The following SORL1 variants were observed in gnomAD, a reference collection of about 807,000 sequenced individuals.
SORL1 encodes sortilin-related receptor.
Under a neutral mutation model 273.7 loss-of-function variants are expected in SORL1, and 127 were observed. The ratio of observed to expected loss-of-function variants is 0.46; its 90% CI spans 0.40 to 0.54. The LOEUF (loss-of-function observed/expected upper bound fraction) is 0.54, where lower values mean the gene tolerates loss of function less well. SORL1 is among the 20% of genes least tolerant of loss of function. SORL1 has a pLI of 0.00. For missense variants in SORL1, 2,494 were observed against 2,846.1 expected, an observed-to-expected ratio of 0.88 and a Z score of 2.81; for synonymous variants, 1,031 against 1,067.4, an observed-to-expected ratio of 0.97 and a Z score of 0.66.
At chr11:121,580,918 CTTT>C (rs35751378) in intron 25 of SORL1, among the ~76,000 whole-genome samples, 6 of 135,550 alleles carry the variant, frequency 4.4e-5, no homozygotes, top group Admixed American at 7.4e-5. Context: ...TTCTCATACA[CTTT>C]TTTTTTTTTT....
chr11:121,516,988 G>A (rs1325022576), intron 8 of SORL1, among the ~76,000 whole-genome samples: 2 of 152,058 alleles, frequency 1.3e-5, no homozygotes, highest in African/African-American at 4.8e-5. Context: ...GGAGGTAGAG[G>A]ATGCAGTGAG....
chr11:121,582,850 T>G (rs973712179), intron 25 of SORL1, among the ~76,000 whole-genome samples: 2 of 152,150 alleles, frequency 1.3e-5, no homozygotes, highest in African/African-American at 4.8e-5. Flanking sequence ...CACTTGAAAT[T>G]GGATTTTTTT....
chr11:121,524,381 G>A (rs1485354492), intron 11 of SORL1, among the ~76,000 whole-genome samples: 3 of 152,224 alleles, frequency 2.0e-5, no homozygotes, highest in South Asian at 4.1e-4. Flanking sequence ...GGTGATTACC[G>A]GGGCAGCTGT....
chr11:121,619,816 G>A lies in SORL1; in HGVS notation c.5788G>A (p.Asp1930Asn), dbSNP rs865999716. The A allele has an allele frequency of 4.3e-6, 7 of 1,614,066 alleles. No individual in the cohort carries two copies. Among genetic ancestry groups the A allele is most frequent in the Non-Finnish European group, 5.9e-6 (7 of 1,179,916 alleles). Residue 1930 changes from aspartate (D) to asparagine (N), a missense_variant, in exon 43 of 48, where the codon GAC (aspartate) becomes AAC (asparagine). Transcript: ENST00000260197. ...CTACGTTGTAGTGAAGATGATCCCG[G>A]ACAGCAGGCTTCCACCCCGTCACCT... ...SDYVVVKMIP[D>N]SRLPPRHLHV...
In SORL1 at chr11:121,568,603, TGATA is replaced by T. The variant is rs549875804; in HGVS notation, c.3223+1497_3223+1500del. Among the ~76,000 whole-genome samples, 381 of 152,326 alleles carry T rather than the reference TGATA, an allele frequency of 2.5e-3. 1 individual carries two copies. The highest frequency in any genetic ancestry group is 8.5e-3 in the African/African-American group (354 of 41,564). ...AGAAAATCTTCATAACTCATTTGCTTGATAGATAGAATATATATGGATATATATA... is the reference window on the plus strand; with the variant it reads ...AGAAAATCTTCATAACTCATTTGCTTGATAGAATATATATGGATATATATA... On this transcript the variant is annotated intron_variant, in intron 22 of 47. Coordinates refer to ENST00000260197, the MANE Select transcript of SORL1 (RefSeq NM_003105.6).
intron 38 of SORL1, 64 bp downstream of exon 38, chr11:121,608,240 C>T (rs1863508147): frequency 9.8e-6 from 13 of 1,329,976 alleles, no homozygotes; most frequent in Non-Finnish European, 1.4e-5. Context: ...AAATGACTTT[C>T]AGTATGACCG....
At chr11:121,586,693 TGGGGGGGG>T (rs376563096) in intron 27 of SORL1, among the ~76,000 whole-genome samples, 1 of 97,158 alleles carries the variant, frequency 1.0e-5, no homozygotes, top group African/African-American at 3.9e-5. Context: ...GGGGGTAGAG[TGGGGGGGG>T]GGGCGGGGGG....
intron 8 of SORL1, among the ~76,000 whole-genome samples, chr11:121,520,287 T>A (rs1028156429): frequency 1.3e-5 from 2 of 152,164 alleles, no homozygotes; most frequent in Admixed American, 6.5e-5. Flanking sequence ...GTTCTAACAA[T>A]GTGCTATAAT....
intron 7 of SORL1, 52 bp from the exon 8 acceptor site, chr11:121,514,100 C>A: frequency 6.3e-7 from 1 of 1,576,578 alleles, no homozygotes. Context: ...AGTAAAAGCC[C>A]ACAGGGCACA....
At position 121,554,052 on chromosome 11, in the gene SORL1, C is replaced by A; in HGVS notation, c.2382C>A (p.Asp794Glu). The A allele has an allele frequency of 6.2e-7, 1 of 1,614,166 alleles. No individual in the cohort carries two copies. Among genetic ancestry groups the A allele is most frequent in the Non-Finnish European group, 8.5e-7 (1 of 1,180,022 alleles). The change falls in exon 17 of 48, where the codon GAC becomes GAA. Residue 794 changes from aspartate to glutamate, a missense_variant. Physicochemically the swap from Asp to Glu is conservative, Grantham distance 45 (BLOSUM62 2). Around this residue, in one of 3 missense-constraint regions of SORL1, gnomAD observed 710 missense variants for 882.5 expected, o/e 0.80. Coordinates refer to ENST00000260197, the MANE Select transcript of SORL1 (RefSeq NM_003105.6). The surrounding 1 kb of genome is among the most constrained non-coding windows in gnomAD (Gnocchi z 4.6). ...LTGLRAAVAL[D>E]FDYEHNCLYW... ...GGCTACGGGCAGCAGTGGCCCTGGA[C>A]TTTGACTATGAGCACAACTGTTTGT...
chr11:121,568,927 C>T (rs1213115264), intron 22 of SORL1, among the ~76,000 whole-genome samples: 1 of 152,208 alleles, frequency 6.6e-6, no homozygotes, highest in Non-Finnish European at 1.5e-5. Flanking sequence ...GGCATTCCTC[C>T]TCCCCCTTTA....
rs371292990 is a variant in SORL1 at position 121,522,552 on chromosome 11, T to C, written c.1405-34T>C. ...ACAGGGAACGCTAGGCATGGTATCATGTGCTGACACTGCCTGAAACTTTGG... is the reference window on the plus strand; with the variant it reads ...ACAGGGAACGCTAGGCATGGTATCACGTGCTGACACTGCCTGAAACTTTGG... On this transcript the variant is annotated intron_variant, in intron 9 of 47. Coordinates refer to ENST00000260197, the MANE Select transcript of SORL1 (RefSeq NM_003105.6). The C allele has an allele frequency of 2.7e-6, 4 of 1,470,324 alleles. No individual in the cohort carries two copies. The African/African-American group carries it at 4.2e-5, about 15-fold the overall frequency. 91.1% of individuals were successfully genotyped at this position (1,470,324 alleles called of 1,614,324 possible). A position where few individuals can be genotyped will look rare whatever the true frequency, so the allele number is the denominator to read the frequency against.
At position 121,516,621 on chromosome 11, in the gene SORL1, A is replaced by G. The variant is rs562238979; in HGVS notation, c.1211+2300A>G. 8.0e-4 allele frequency among the ~76,000 whole-genome samples: 122 copies of G among 152,208 alleles called. 6 individuals are homozygous for G. In the South Asian group the frequency reaches 0.023, roughly 29 times the overall value. On this transcript the variant is annotated intron_variant, in intron 8 of 47. Transcript: ENST00000260197. The stretch of plus-strand genomic sequence containing the variant: ...TCTTTTATTCCTTTCCTCCCCTGAC[A>G]TAGACTCATGGATTAATTATTATTT...
At chr11:121,556,550 A>G (rs1790208) in intron 18 of SORL1, among the ~76,000 whole-genome samples, 149,970 of 152,324 alleles carry the variant, frequency 0.98, 73,896 homozygotes, top group Middle Eastern at 1. Flanking sequence ...CTAGGGGCTA[A>G]AAGAATGCAG....
intron 23 of SORL1, among the ~76,000 whole-genome samples, chr11:121,570,689 T>C (rs1003155018): frequency 1.3e-5 from 2 of 152,188 alleles, no homozygotes; most frequent in African/African-American, 4.8e-5. Flanking sequence ...GAGTATTTAC[T>C]CCAGTTGGTT....
intron 3 of SORL1, among the ~76,000 whole-genome samples, chr11:121,479,967 C>T (rs1388523422): frequency 6.6e-6 from 1 of 152,120 alleles, no homozygotes; most frequent in African/African-American, 2.4e-5. Context: ...GCCCCTTTGC[C>T]CCACCGCACA....
rs1393090338 is a variant in SORL1, at chr11:121,595,886, T to TG, written c.4519+115dup. 24 of 1,129,494 alleles carry TG rather than the reference T, an allele frequency of 2.1e-5. 1 individual carries two copies. The Admixed American group carries it at 6.0e-4, about 28-fold the overall frequency. 70.0% of individuals were successfully genotyped at this position (1,129,494 alleles called of 1,614,324 possible). A position where few individuals can be genotyped will look rare whatever the true frequency, so the allele number is the denominator to read the frequency against. ...ACGCCTGTGTGTGAGTCTGTGTACT[T>TG]GCGTAACCATGCTCTTACTGCATTC... On this transcript the variant is annotated intron_variant, in intron 32 of 47. Coordinates refer to ENST00000260197, the MANE Select transcript of SORL1 (RefSeq NM_003105.6). The surrounding 1 kb of genome is among the most constrained non-coding windows in gnomAD (Gnocchi z 5.1).
Position 121,629,671 on chromosome 11 carries a change from T to C in SORL1, c.*108T>C. Reference sequence around the variant, plus strand: ...TTTGAGTTGCAATATGTTATTTTTATATGGGCCAAAAACAAAAAACAAAAA... The same window carrying C: ...TTTGAGTTGCAATATGTTATTTTTACATGGGCCAAAAACAAAAAACAAAAA... On this transcript the variant is annotated 3_prime_UTR_variant, in exon 48 of 48. Transcript: ENST00000260197. 1.8e-6 allele frequency: 1 copy of C among 553,876 alleles called. No homozygotes were observed. The allele number at this position is 553,876 out of a possible 1,614,324, so 34.3% of individuals were successfully genotyped here.
chr11:121,507,386 A>G (rs566161772), intron 6 of SORL1, among the ~76,000 whole-genome samples: 3 of 152,234 alleles, frequency 2.0e-5, no homozygotes, highest in African/African-American at 4.8e-5. Flanking sequence ...TCATCTCGTC[A>G]GTGACTTTGG....
Sources: gnomAD v4.1 joint callset for allele counts (sites outside exome capture counted in the v4.1 genomes callset) on GRCh38, gnomAD v4.1.1 for gene constraint, gnomAD v4.1.1 regional missense constraint, Gnocchi (gnomAD v3.1) non-coding constraint, MANE v1.5 for transcripts, NCBI Gene and HGNC (gene_info 2026-07-23, HGNC 2026-07-21) for gene names.